The following FAF1 variants were observed in gnomAD, a reference collection of about 807,000 sequenced individuals.
FAF1 encodes the protein FAS-associated factor 1.
FAF1 carries 25 observed loss-of-function variants against 92.5 expected under a neutral mutation model. The observed-to-expected ratio is 0.27, with a 90% CI of 0.20 to 0.38. The LOEUF (loss-of-function observed/expected upper bound fraction) is 0.38, where lower values mean the gene tolerates loss of function less well. Ranked by LOEUF, FAF1 falls within the 10% of genes least tolerant of loss-of-function variation. FAF1 has a pLI of 1.00. For synonymous variants in FAF1, 234 were observed against 273.2 expected, an observed-to-expected ratio of 0.86 and a Z score of 1.42; for missense variants, 636 against 793.3, an observed-to-expected ratio of 0.80 and a Z score of 2.38.
At chr1:50,846,138 G>A (rs188516601) in intron 2 of FAF1, among the ~76,000 whole-genome samples, 33 of 150,466 alleles carry the variant, frequency 2.2e-4, no homozygotes, top group African/African-American at 7.1e-4. Context: ...GAAAAGAAAC[G>A]AAAAAGGAAA....
intron 7 of FAF1, among the ~76,000 whole-genome samples, chr1:50,659,373 A>G (rs139669408): frequency 0.013 from 2,003 of 152,082 alleles, 29 homozygotes; most frequent in Non-Finnish European, 0.016. Flanking sequence ...GAAGTGAGAA[A>G]GAGAGGGGGA....
chr1:50,602,295 T>A (rs1652177738), intron 8 of FAF1, among the ~76,000 whole-genome samples: 1 of 152,332 alleles, frequency 6.6e-6, no homozygotes, highest in African/African-American at 2.4e-5. Context: ...AAGACACTGA[T>A]GTAATTTCAT....
intron 1 of FAF1, among the ~76,000 whole-genome samples, chr1:50,904,899 T>G (rs2124713460): frequency 6.6e-6 from 1 of 152,208 alleles, no homozygotes; most frequent in East Asian, 1.9e-4. Context: ...TTCCTTTTTT[T>G]AATATACTTT....
At chr1:50,920,226 G>T (rs769366728) in intron 1 of FAF1, among the ~76,000 whole-genome samples, 1 of 151,854 alleles carries the variant, frequency 6.6e-6, no homozygotes, top group South Asian at 2.1e-4. Flanking sequence ...GCTTGAGCCT[G>T]GGGGGCAGAG....
intron 12 of FAF1, among the ~76,000 whole-genome samples, chr1:50,576,762 C>A (rs1172957744): frequency 6.6e-6 from 1 of 151,870 alleles, no homozygotes; most frequent in African/African-American, 2.4e-5. Flanking sequence ...CCTGATTCAG[C>A]CTCTTGAGTA....
chr1:50,792,636 C>A (rs1174577080), intron 3 of FAF1, among the ~76,000 whole-genome samples: 1 of 152,146 alleles, frequency 6.6e-6, no homozygotes, highest in Non-Finnish European at 1.5e-5. Flanking sequence ...CCATGTATAA[C>A]CTGAATATAT....
chr1:50,519,864 G>A (rs1057209681), intron 15 of FAF1, among the ~76,000 whole-genome samples: 6 of 152,100 alleles, frequency 3.9e-5, no homozygotes, highest in Admixed American at 2.0e-4. Context: ...AATTTGCCCT[G>A]GTGAGGCCTA....
chr1:50,687,255 T>C (rs1031027304), intron 7 of FAF1, among the ~76,000 whole-genome samples: 2 of 152,110 alleles, frequency 1.3e-5, no homozygotes, highest in Non-Finnish European at 2.9e-5. Flanking sequence ...CCATTTCATA[T>C]TTAGTTTCCT....
chr1:50,926,357 T>C (rs1645006121), intron 1 of FAF1, among the ~76,000 whole-genome samples: 1 of 152,154 alleles, frequency 6.6e-6, no homozygotes, highest in South Asian at 2.1e-4. Context: ...CTCAGTCATA[T>C]GTAGGAGCTA....
At chr1:50,546,121 A>G (rs983255582) in intron 13 of FAF1, among the ~76,000 whole-genome samples, 1 of 152,178 alleles carries the variant, frequency 6.6e-6, no homozygotes, top group Non-Finnish European at 1.5e-5. Flanking sequence ...AGCCATGATC[A>G]TGACACTGCA....
At chr1:50,530,273 G>A (rs201451987) in intron 15 of FAF1, among the ~76,000 whole-genome samples, 9 of 140,344 alleles carry the variant, frequency 6.4e-5, no homozygotes, top group African/African-American at 1.8e-4. Context: ...GTGTGTGTGT[G>A]TGTATGTATA....
chr1:50,493,348 A>G (rs1456721086), intron 15 of FAF1, among the ~76,000 whole-genome samples: 8 of 152,172 alleles, frequency 5.3e-5, no homozygotes, highest in Non-Finnish European at 1.0e-4. Context: ...TTAAACTCCT[A>G]AGAATCCTAT....
chr1:50,589,790 T>C (rs1283383264), intron 9 of FAF1, among the ~76,000 whole-genome samples: 4 of 152,248 alleles, frequency 2.6e-5, no homozygotes, highest in Non-Finnish European at 4.4e-5. Context: ...ATGTTTTCTT[T>C]TAACAGTTGT....
At chr1:50,837,245 C>T (rs1218047338) in intron 2 of FAF1, among the ~76,000 whole-genome samples, 3 of 152,030 alleles carry the variant, frequency 2.0e-5, no homozygotes, top group Non-Finnish European at 2.9e-5. Context: ...CGTGAGCCAC[C>T]GTGCCCGGCC....
intron 8 of FAF1, among the ~76,000 whole-genome samples, chr1:50,604,881 G>T (rs1181759886): frequency 1.3e-5 from 2 of 151,932 alleles, no homozygotes; most frequent in Non-Finnish European, 2.9e-5. Context: ...CAAATATCTT[G>T]ATTTAATTAT....
At chr1:50,734,644 G>C (rs1181569342) in intron 6 of FAF1, among the ~76,000 whole-genome samples, 2 of 151,542 alleles carry the variant, frequency 1.3e-5, no homozygotes, top group African/African-American at 4.9e-5. Context: ...TGAGGCAGGA[G>C]AATGGCGTGA....
At chr1:50,637,646 C>T (rs1413371535) in intron 8 of FAF1, among the ~76,000 whole-genome samples, 1 of 150,874 alleles carries the variant, frequency 6.6e-6, no homozygotes, top group Non-Finnish European at 1.5e-5. Context: ...GTAGGCCAGG[C>T]TCTGTGACTC....
intron 7 of FAF1, among the ~76,000 whole-genome samples, chr1:50,703,955 T>C (rs769863472): frequency 2.0e-5 from 3 of 152,198 alleles, no homozygotes; most frequent in Non-Finnish European, 2.9e-5. Flanking sequence ...ATTTCGGAAA[T>C]ATTTGCAGTA....
At chr1:50,603,354 T>C (rs918432342) in intron 8 of FAF1, among the ~76,000 whole-genome samples, 1 of 152,186 alleles carries the variant, frequency 6.6e-6, no homozygotes, top group Non-Finnish European at 1.5e-5. Context: ...ATAAATCAGG[T>C]ACCAGATGGC....
Sources: allele counts gnomAD v4.1 joint callset (sites outside exome capture counted in the v4.1 genomes callset), GRCh38; gene constraint gnomAD v4.1.1; transcripts MANE v1.5; gene names NCBI Gene and HGNC (gene_info 2026-07-23, HGNC 2026-07-21).